ING3: variants seen among roughly 807,000 people sequenced by gnomAD.
ING3 encodes the protein inhibitor of growth family member 3, also known as inhibitor of growth protein 3.
Under a neutral mutation model 64.8 loss-of-function variants are expected in ING3, and 6 were observed. That is an observed-to-expected ratio of 0.09 (90% CI 0.05 to 0.18). The LOEUF (loss-of-function observed/expected upper bound fraction) is 0.18, where lower values mean the gene tolerates loss of function less well. Ranked by LOEUF, ING3 falls within the 10% of genes least tolerant of loss-of-function variation. ING3 has a pLI of 1.00. For synonymous variants in ING3, 170 were observed against 173.7 expected, an observed-to-expected ratio of 0.98 and a Z score of 0.17; for missense variants, 310 against 489.7, an observed-to-expected ratio of 0.63 and a Z score of 3.46.
At chr7:120,963,171 A>G (rs1387248227) in intron 4 of ING3, among the ~76,000 whole-genome samples, 1 of 152,144 alleles carries the variant, frequency 6.6e-6, no homozygotes, top group Non-Finnish European at 1.5e-5. Context: ...TCACACTATT[A>G]TTGGAAAGGA....
At position 120,976,828 on chromosome 7, in the gene ING3, A is replaced by G. The variant is rs1288181077; in HGVS notation, c.*1984A>G. On this transcript the variant is annotated 3_prime_UTR_variant, in exon 12 of 12. Transcript: ENST00000315870. Reference sequence around the variant, plus strand: ...AAACACTTTGACAAGTTTTAAACTCAAACACTGAATATTTTATGAAGCATG... The same window carrying G: ...AAACACTTTGACAAGTTTTAAACTCGAACACTGAATATTTTATGAAGCATG... The G allele has an allele frequency of 6.6e-6, 1 of 152,178 alleles. No homozygotes were observed. Among genetic ancestry groups the G allele is most frequent in the Non-Finnish European group, 1.5e-5 (1 of 68,020 alleles). 9.4% of individuals were successfully genotyped at this position (152,178 alleles called of 1,614,324 possible). A position where few individuals can be genotyped will look rare whatever the true frequency, so the allele number is the denominator to read the frequency against.
chr7:120,959,612 T>TCCTTGTC (rs1170048795), intron 4 of ING3, among the ~76,000 whole-genome samples: 1 of 144,880 alleles, frequency 6.9e-6, no homozygotes, highest in Admixed American at 6.9e-5. Context: ...CACCCTATAC[T>TCCTTGTC]CCTTGTCACT....
intron 3 of ING3, 64 bp downstream of exon 3, chr7:120,953,468 A>G: frequency 1.1e-6 from 1 of 923,066 alleles, no homozygotes. Flanking sequence ...AGATATTTCA[A>G]AATTAAATAG....
chr7:120,951,347 A>G (rs1310535318), intron 2 of ING3, 112 bp downstream of exon 2: 6 of 973,000 alleles, frequency 6.2e-6, no homozygotes, highest in Non-Finnish European at 9.7e-6. Context: ...TCACTCCGCT[A>G]GTGCATAAGG....
At position 120,967,999 on chromosome 7, in the gene ING3, C is replaced by G. The variant is rs201788608; in HGVS notation, c.622C>G (p.Leu208Val). Reference sequence around the variant, plus strand: ...CTACAATGTGAATTCCTCCCAACCTCTGGGATCCTATAACATTGGCTCGTT... The same window carrying G: ...CTACAATGTGAATTCCTCCCAACCTGTGGGATCCTATAACATTGGCTCGTT... The part of the protein sequence containing the change: ...NAYNVNSSQP[L>V]GSYNIGSLSS... Residue 208 changes from leucine (L) to valine (V), a missense_variant, in exon 8 of 12, where the codon CTG becomes GTG. Around this residue, in one of 3 missense-constraint regions of ING3, gnomAD observed 233 missense variants for 289.4 expected, o/e 0.81. Coordinates refer to ENST00000315870, the MANE Select transcript of ING3 (RefSeq NM_019071.3). 1 of 1,614,112 alleles carries G rather than the reference C, an allele frequency of 6.2e-7. No homozygotes were observed. The highest frequency in any genetic ancestry group is 8.5e-7 in the Non-Finnish European group (1 of 1,179,984).
At chr7:120,952,394 A>T (rs1795780568) in intron 2 of ING3, among the ~76,000 whole-genome samples, 1 of 152,230 alleles carries the variant, frequency 6.6e-6, no homozygotes, top group South Asian at 2.1e-4. Flanking sequence ...CTAGTATCTG[A>T]TACAAAGTAG....
rs2116640291 is a variant in ING3 at position 120,950,834 on chromosome 7, G to A, written c.-63G>A. ...CCATATTGGAGGGGACAAAACTCCG[G>A]CGACAGCGAGTGACACAAATAAACC... is the stretch of plus-strand genomic sequence containing the variant. On this transcript the variant is annotated 5_prime_UTR_variant, in exon 1 of 12. Transcript: ENST00000315870. 1 of 1,577,024 alleles carries A rather than the reference G, an allele frequency of 6.3e-7. No individual in the cohort carries two copies. The highest frequency in any genetic ancestry group is 1.7e-5 in the Admixed American group (1 of 57,808).
Position 120,951,148 on chromosome 7 carries a change from A to G in ING3, c.29-16A>G. 2 of 1,613,174 alleles carry G rather than the reference A, an allele frequency of 1.2e-6. No individual in the cohort carries two copies. The highest frequency in any genetic ancestry group is 1.7e-6 in the Non-Finnish European group (2 of 1,179,666). On this transcript the variant is annotated splice_polypyrimidine_tract_variant and intron_variant, in intron 1 of 11. Transcript: ENST00000315870. ...GCCGTTGGCCCCGCCCCTCTGACGG[A>G]CTCTCCCTTTGACAGTGATTGAGCA...
chr7:120,968,004 A>T lies in ING3; in HGVS notation c.627A>T (p.Gly209=). 6.2e-7 allele frequency: 1 copy of T among 1,614,046 alleles called. No homozygotes were observed. The highest frequency in any genetic ancestry group is 8.5e-7 in the Non-Finnish European group (1 of 1,179,970). The change falls in exon 8 of 12, where the codon GGA becomes GGT. Residue 209 remains glycine, a synonymous_variant. Coordinates refer to ENST00000315870, the MANE Select transcript of ING3 (RefSeq NM_019071.3). ...AYNVNSSQPL[G]SYNIGSLSSG... ...ATGTGAATTCCTCCCAACCTCTGGG[A>T]TCCTATAACATTGGCTCGTTATCTT...
intron 8 of ING3, 49 bp from the exon 9 acceptor site, chr7:120,968,962 A>G (rs1796033075): frequency 1.7e-6 from 2 of 1,186,342 alleles, no homozygotes; most frequent in Non-Finnish European, 2.3e-6. Flanking sequence ...TGAAAAAGAA[A>G]ATCTACATAT....
At chr7:120,959,759 C>G (rs1189119323) in intron 4 of ING3, among the ~76,000 whole-genome samples, 1 of 150,130 alleles carries the variant, frequency 6.7e-6, no homozygotes, top group Admixed American at 6.7e-5. Flanking sequence ...CATTCTCCTG[C>G]CTCAGCCTCC....
chr7:120,963,353 C>T (rs936148189), intron 4 of ING3, among the ~76,000 whole-genome samples: 1 of 151,786 alleles, frequency 6.6e-6, no homozygotes, highest in Non-Finnish European at 1.5e-5. Context: ...AACCAACACC[C>T]TAATGATTGT....
At chr7:120,951,748 C>T (rs1312854520) in intron 2 of ING3, among the ~76,000 whole-genome samples, 1 of 152,196 alleles carries the variant, frequency 6.6e-6, no homozygotes, top group African/African-American at 2.4e-5. Flanking sequence ...TAAATTGTAA[C>T]AGAATCGTCA....
rs181409451 is a variant in ING3, at chr7:120,962,942, A to G, written c.268-1800A>G. On this transcript the variant is annotated intron_variant, in intron 4 of 11. Transcript: ENST00000315870. ...CTAAATTCTAATTCCTATGAAGGCA[A>G]TGATTCTCTTCCATTCTTCATATAT... Among the ~76,000 whole-genome samples, 250 of 152,272 alleles carry G rather than the reference A, an allele frequency of 1.6e-3. 2 individuals are homozygous for G. Among genetic ancestry groups the G allele is most frequent in the African/African-American group, 5.7e-3 (238 of 41,576 alleles).
chr7:120,972,405 G>A (rs1314677717), intron 10 of ING3, among the ~76,000 whole-genome samples: 2 of 151,964 alleles, frequency 1.3e-5, no homozygotes, highest in African/African-American at 2.4e-5. Flanking sequence ...ACTATCACCC[G>A]ATAAACATTT....
chr7:120,960,591 C>T (rs1795918000), intron 4 of ING3, among the ~76,000 whole-genome samples: 1 of 151,956 alleles, frequency 6.6e-6, no homozygotes, highest in Non-Finnish European at 1.5e-5. Flanking sequence ...ACTTTTAAAC[C>T]AGTAGTAAAC....
At chr7:120,973,099 A>G in intron 10 of ING3, 106 bp from the exon 11 acceptor site, 2 of 665,888 alleles carry the variant, frequency 3.0e-6, no homozygotes, top group Non-Finnish European at 5.4e-6. Context: ...TTGTATATTC[A>G]GTGTATTTCC....
At chr7:120,954,210 G>A (rs753261744) in intron 3 of ING3, among the ~76,000 whole-genome samples, 1 of 152,158 alleles carries the variant, frequency 6.6e-6, no homozygotes, top group Non-Finnish European at 1.5e-5. Context: ...TGGATCACCT[G>A]AGGTCAGGAG....
At chr7:120,971,060 AC>A in intron 10 of ING3, 180 bp downstream of exon 10, 1 of 729,626 alleles carries the variant, frequency 1.4e-6, no homozygotes, top group Non-Finnish European at 2.2e-6. Context: ...GAAAAATGTT[AC>A]CCATAATCCT....
Sources: allele counts gnomAD v4.1 joint callset (sites outside exome capture counted in the v4.1 genomes callset), GRCh38; gene constraint gnomAD v4.1.1; regional missense constraint gnomAD v4.1.1; transcripts MANE v1.5; gene names NCBI Gene and HGNC (gene_info 2026-07-23, HGNC 2026-07-21).